Variants in SUMF1 observed in about 807,000 individuals in gnomAD.
SUMF1 encodes formylglycine-generating enzyme.
A neutral mutation model predicts 47.6 loss-of-function variants in SUMF1; 48 were observed. That is an observed-to-expected ratio of 1.01 (90% CI 0.80 to 1.28). SUMF1 has a LOEUF of 1.28. Ranked by LOEUF, SUMF1 falls within the 50% of genes most tolerant of loss-of-function variation. The probability of loss-of-function intolerance (pLI) is 0.00; values close to 1 mark genes in which losing one functional copy is unlikely to be tolerated. For missense variants in SUMF1, 571 were observed against 485.4 expected (o/e 1.18, Z -1.66); for synonymous variants, 230 against 192.1 (o/e 1.20, Z -1.63).
intron 8 of SUMF1, among the ~76,000 whole-genome samples, chr3:4,169,412 A>AT (rs1409559594): frequency 6.6e-6 from 1 of 152,158 alleles, no homozygotes; most frequent in Non-Finnish European, 1.5e-5. Flanking sequence ...AGAAAAGACA[A>AT]TGTGAAGACA....
At chr3:4,113,904 A>G (rs1693366803) in intron 8 of SUMF1, among the ~76,000 whole-genome samples, 2 of 152,134 alleles carry the variant, frequency 1.3e-5, no homozygotes, top group Admixed American at 1.3e-4. Context: ...TCTTCTCTAA[A>G]TTTCCTTTAG....
intron 8 of SUMF1, among the ~76,000 whole-genome samples, chr3:4,101,941 G>A (rs1463073857): frequency 6.6e-6 from 1 of 152,088 alleles, no homozygotes; most frequent in African/African-American, 2.4e-5. Context: ...ATGGTGGAAG[G>A]CACCTGTTCA....
chr3:4,459,153 A>G (rs1191475595), intron 1 of SUMF1, among the ~76,000 whole-genome samples: 2 of 152,174 alleles, frequency 1.3e-5, no homozygotes, highest in African/African-American at 4.8e-5. Context: ...TAAGTAATGC[A>G]TTATATATTT....
intron 8 of SUMF1, among the ~76,000 whole-genome samples, chr3:4,186,955 C>G (rs1000632649): frequency 6.6e-6 from 1 of 152,130 alleles, no homozygotes; most frequent in African/African-American, 2.4e-5. Context: ...CTTTACGTAA[C>G]ACGTACAAAC....
intron 8 of SUMF1, among the ~76,000 whole-genome samples, chr3:4,238,856 A>G (rs1696472655): frequency 6.6e-6 from 1 of 152,148 alleles, no homozygotes; most frequent in Admixed American, 6.5e-5. Flanking sequence ...GCCCATGCCT[A>G]TGTCCTGAAT....
chr3:4,361,913 T>G lies in SUMF1; in HGVS notation c.*231A>C. ...CACTCCCCTTCCTCTTTAAAGACTCTCAAAAGTAAAATATGGTGATGATCT... is the reference window on the plus strand; with the variant it reads ...CACTCCCCTTCCTCTTTAAAGACTCGCAAAAGTAAAATATGGTGATGATCT... On this transcript the variant is annotated 3_prime_UTR_variant, in exon 9 of 9. Coordinates refer to ENST00000272902, the MANE Select transcript of SUMF1 (RefSeq NM_182760.4). 1 of 530,854 alleles carries G rather than the reference T, an allele frequency of 1.9e-6. No homozygotes were observed. The highest frequency in any genetic ancestry group is 2.0e-5 in the South Asian group (1 of 49,096). 32.9% of individuals were successfully genotyped at this position (530,854 alleles called of 1,614,324 possible). A position where few individuals can be genotyped will look rare whatever the true frequency, so the allele number is the denominator to read the frequency against.
At chr3:4,427,141 G>C (rs1702093756) in intron 3 of SUMF1, among the ~76,000 whole-genome samples, 1 of 152,168 alleles carries the variant, frequency 6.6e-6, no homozygotes, top group South Asian at 2.1e-4. Context: ...AATAAAATCA[G>C]CACAGGAAAA....
At chr3:4,086,132 G>A (rs17039836) in intron 8 of SUMF1, among the ~76,000 whole-genome samples, 8,246 of 151,000 alleles carry the variant, frequency 0.055, 607 homozygotes, top group East Asian at 0.18. Context: ...CAACCTGGCT[G>A]TTAGGCAAAA....
chr3:4,328,445 G>A (rs1698988348), intron 8 of SUMF1, among the ~76,000 whole-genome samples: 1 of 152,034 alleles, frequency 6.6e-6, no homozygotes, highest in African/African-American at 2.4e-5. Context: ...CACATGGCTG[G>A]GGAGGCCTCA....
In SUMF1 at chr3:4,361,953, C is replaced by T. The variant is rs980866967; in HGVS notation, c.*191G>A. 16 of 593,956 alleles carry T rather than the reference C, an allele frequency of 2.7e-5. No homozygotes were observed. Among genetic ancestry groups the T allele is most frequent in the South Asian group, 3.9e-5 (2 of 50,930 alleles). The allele number at this position is 593,956 out of a possible 1,614,324, so 36.8% of individuals were successfully genotyped here. A position where few individuals can be genotyped will look rare whatever the true frequency, so the allele number is the denominator to read the frequency against. On this transcript the variant is annotated 3_prime_UTR_variant, in exon 9 of 9. Coordinates refer to ENST00000272902, the MANE Select transcript of SUMF1 (RefSeq NM_182760.4). ...GGTGATGATCTCCAAAGATGCACCA[C>T]ACCATAAAGCACATGCACTGACCCA...
chr3:4,441,234 C>G (rs1026737487), intron 3 of SUMF1, among the ~76,000 whole-genome samples: 3 of 152,134 alleles, frequency 2.0e-5, no homozygotes, highest in Non-Finnish European at 4.4e-5. Context: ...GTGAAGAGCT[C>G]ATGTGAGGGA....
chr3:4,397,197 G>A (rs114048635), intron 7 of SUMF1, among the ~76,000 whole-genome samples: 2,281 of 152,266 alleles, frequency 0.015, 23 homozygotes, highest in Admixed American at 0.02. Flanking sequence ...AGAGAAATCC[G>A]TTTGTTTTAT....
chr3:4,454,561 T>TA (rs1427893595), intron 1 of SUMF1, among the ~76,000 whole-genome samples: 4 of 152,210 alleles, frequency 2.6e-5, no homozygotes, highest in Non-Finnish European at 5.9e-5. Flanking sequence ...TATATGACCC[T>TA]GCAGTTCTCC....
intron 8 of SUMF1, among the ~76,000 whole-genome samples, chr3:4,304,577 A>T (rs55927134): frequency 0.077 from 11,783 of 152,260 alleles, 1,555 homozygotes; most frequent in African/African-American, 0.27. Context: ...CATCTTAGCT[A>T]CTTCCCAGAG....
intron 8 of SUMF1, among the ~76,000 whole-genome samples, chr3:4,205,294 T>G (rs1695627054): frequency 6.6e-6 from 1 of 152,302 alleles, no homozygotes; most frequent in East Asian, 1.9e-4. Flanking sequence ...CTCCACCACC[T>G]ATCCCCAAAA....
At chr3:4,324,924 G>C (rs764791244) in intron 8 of SUMF1, among the ~76,000 whole-genome samples, 1 of 152,056 alleles carries the variant, frequency 6.6e-6, no homozygotes, top group African/African-American at 2.4e-5. Flanking sequence ...AAGAAAAAGA[G>C]GTTTAATGGA....
chr3:4,349,792 CA>C (rs1403262852), intron 8 of SUMF1, among the ~76,000 whole-genome samples: 1 of 152,052 alleles, frequency 6.6e-6, no homozygotes, highest in East Asian at 1.9e-4. Context: ...ATTGAGAACA[CA>C]TCCACACAGA....
chr3:4,132,182 T>C (rs1045714861), intron 8 of SUMF1, among the ~76,000 whole-genome samples: 2 of 152,148 alleles, frequency 1.3e-5, no homozygotes, highest in African/African-American at 4.8e-5. Context: ...ACAATGCTTC[T>C]GTCAAAACTA....
chr3:4,225,344 T>C (rs1696151044), intron 8 of SUMF1, among the ~76,000 whole-genome samples: 1 of 152,136 alleles, frequency 6.6e-6, no homozygotes, highest in African/African-American at 2.4e-5. Flanking sequence ...TGGGCTGAGA[T>C]ATCACCAGCC....
Sources: allele counts gnomAD v4.1 joint callset (sites outside exome capture counted in the v4.1 genomes callset), GRCh38; gene constraint gnomAD v4.1.1; transcripts MANE v1.5; gene names NCBI Gene and HGNC (gene_info 2026-07-23, HGNC 2026-07-21).